Variants in WIF1 observed in about 807,000 individuals in gnomAD.
WIF1 encodes the protein Wnt inhibitory factor 1.
WIF1 carries 35 observed loss-of-function variants against 53.5 expected under a neutral mutation model. That is an observed-to-expected ratio of 0.65 (90% CI 0.50 to 0.87). The LOEUF (loss-of-function observed/expected upper bound fraction) is 0.87, where lower values mean the gene tolerates loss of function less well. WIF1 is among the 40% of genes least tolerant of loss of function. The pLI is 0.00. For missense variants in WIF1, 467 were observed against 476.8 expected (o/e 0.98, Z 0.19); for synonymous variants, 171 against 170.4 (o/e 1.00, Z -0.03).
chr12:65,074,184 T>C (rs1220525623), intron 3 of WIF1, among the ~76,000 whole-genome samples: 2 of 151,952 alleles, frequency 1.3e-5, no homozygotes, highest in African/African-American at 2.4e-5. Flanking sequence ...TTTTATTTTT[T>C]TATTTTTTTT....
chr12:65,090,518 G>A (rs997020626), intron 2 of WIF1, among the ~76,000 whole-genome samples: 1 of 152,156 alleles, frequency 6.6e-6, no homozygotes, highest in Non-Finnish European at 1.5e-5. Flanking sequence ...GGGCTTCAGA[G>A]AAGTACATGG....
intron 2 of WIF1, among the ~76,000 whole-genome samples, chr12:65,094,888 C>A (rs1883178442): frequency 6.6e-6 from 1 of 150,632 alleles, no homozygotes. Context: ...TCCTCCTCCT[C>A]CTTCCTCTTC....
chr12:65,095,067 G>C (rs1883183456), intron 2 of WIF1, among the ~76,000 whole-genome samples: 1 of 151,282 alleles, frequency 6.6e-6, no homozygotes, highest in Admixed American at 6.6e-5. Flanking sequence ...GCAGTGGCTG[G>C]GACTACAGGT....
chr12:65,097,160 TAA>T (rs1050951909), intron 2 of WIF1, among the ~76,000 whole-genome samples: 4 of 142,024 alleles, frequency 2.8e-5, no homozygotes, highest in African/African-American at 5.1e-5. Context: ...TTATTCACCT[TAA>T]AAAAAAAAAA....
At chr12:65,098,868 C>T (rs778084244) in intron 2 of WIF1, among the ~76,000 whole-genome samples, 20 of 152,118 alleles carry the variant, frequency 1.3e-4, no homozygotes, top group Non-Finnish European at 2.5e-4. Flanking sequence ...TTGCTAACTC[C>T]CTCTGGGAAG....
chr12:65,106,025 A>G (rs1883346400), intron 2 of WIF1, among the ~76,000 whole-genome samples: 1 of 152,208 alleles, frequency 6.6e-6, no homozygotes, highest in Admixed American at 6.5e-5. Flanking sequence ...GCATGGACAG[A>G]TTGCACTCAA....
At chr12:65,087,403 C>T (rs992610450) in intron 2 of WIF1, among the ~76,000 whole-genome samples, 3 of 152,108 alleles carry the variant, frequency 2.0e-5, no homozygotes, top group Non-Finnish European at 4.4e-5. Context: ...CTTTAAAATG[C>T]ATAGTTACCT....
chr12:65,056,468 G>T (rs10613659), intron 7 of WIF1, among the ~76,000 whole-genome samples: 1 of 121,516 alleles, frequency 8.2e-6, no homozygotes, highest in African/African-American at 3.1e-5. Flanking sequence ...CAAGTGATCC[G>T]CCCGCCTTGG....
At position 65,055,221 on chromosome 12, in the gene WIF1, C is replaced by A. The variant is rs371105384; in HGVS notation, c.923-8G>T. 1 of 1,610,222 alleles carries A rather than the reference C, an allele frequency of 6.2e-7. No individual in the cohort carries two copies. Among genetic ancestry groups the A allele is most frequent in the Non-Finnish European group, 8.5e-7 (1 of 1,179,010 alleles). On this transcript the variant is annotated splice_polypyrimidine_tract_variant and splice_region_variant and intron_variant, in intron 8 of 9. Transcript: ENST00000286574. ...AGCCAGGCTCGCAGACAGCTAGAAT[C>A]AAAAGAAATAAAAAGAGTATTTCCT... is the stretch of plus-strand genomic sequence containing the variant.
At chr12:65,096,137 T>C (rs796196263) in intron 2 of WIF1, among the ~76,000 whole-genome samples, 16 of 152,190 alleles carry the variant, frequency 1.1e-4, no homozygotes, top group African/African-American at 3.6e-4. Context: ...AGGTCTAATA[T>C]CCAGAATCTA....
intron 6 of WIF1, among the ~76,000 whole-genome samples, chr12:65,063,061 T>C (rs907780882): frequency 6.6e-6 from 1 of 152,152 alleles, no homozygotes; most frequent in Non-Finnish European, 1.5e-5. Flanking sequence ...TTTATCTTAT[T>C]GAGATTGTTT....
At chr12:65,063,160 G>A (rs1286270759) in intron 6 of WIF1, among the ~76,000 whole-genome samples, 1 of 152,188 alleles carries the variant, frequency 6.6e-6, no homozygotes, top group Non-Finnish European at 1.5e-5. Flanking sequence ...CCATAGGTAG[G>A]AGTGTGGCCA....
intron 6 of WIF1, among the ~76,000 whole-genome samples, chr12:65,063,756 C>T (rs370101577): frequency 2.1e-4 from 32 of 151,014 alleles, no homozygotes; most frequent in East Asian, 9.8e-4. Context: ...CTCTGTCTCC[C>T]AGGCTGGAGT....
intron 2 of WIF1, among the ~76,000 whole-genome samples, chr12:65,105,258 G>A (rs1310623681): frequency 6.6e-6 from 1 of 152,108 alleles, no homozygotes; most frequent in African/African-American, 2.4e-5. Context: ...TAAGGGGGAA[G>A]GAAGTTAGAG....
At chr12:65,086,425 G>T (rs1883038670) in intron 2 of WIF1, among the ~76,000 whole-genome samples, 1 of 152,158 alleles carries the variant, frequency 6.6e-6, no homozygotes, top group Non-Finnish European at 1.5e-5. Context: ...CTATGGTGGG[G>T]TAAGATAAGG....
At chr12:65,084,029 A>G (rs922485268) in intron 2 of WIF1, among the ~76,000 whole-genome samples, 2 of 151,748 alleles carry the variant, frequency 1.3e-5, no homozygotes, top group African/African-American at 4.8e-5. Context: ...TTAGCTGCCA[A>G]TGGTCTTGTT....
intron 2 of WIF1, among the ~76,000 whole-genome samples, chr12:65,103,754 C>T (rs1883314112): frequency 6.6e-6 from 1 of 152,104 alleles, no homozygotes; most frequent in African/African-American, 2.4e-5. Context: ...CATTTGACTG[C>T]TAGAATTCAA....
chr12:65,060,323 A>G (rs570310491), intron 7 of WIF1, among the ~76,000 whole-genome samples: 1 of 152,344 alleles, frequency 6.6e-6, no homozygotes, highest in Admixed American at 6.5e-5. Context: ...AATAAACAAA[A>G]TGTGGTAAAT....
chr12:65,106,097 C>G (rs912036971), intron 2 of WIF1, among the ~76,000 whole-genome samples: 2 of 152,132 alleles, frequency 1.3e-5, no homozygotes, highest in Non-Finnish European at 2.9e-5. Context: ...TTCAGGATGG[C>G]ATATGTGGAA....
Sources: gnomAD v4.1 joint callset for allele counts (sites outside exome capture counted in the v4.1 genomes callset) on GRCh38, gnomAD v4.1.1 for gene constraint, MANE v1.5 for transcripts, NCBI Gene and HGNC (gene_info 2026-07-23, HGNC 2026-07-21) for gene names.